The following TMEM272 variants were observed in gnomAD, a reference collection of about 807,000 sequenced individuals.
TMEM272 encodes transmembrane protein 272, also known as long intergenic non-protein coding RNA 282.
TMEM272 carries 8 observed loss-of-function variants against 3.7 expected under a neutral mutation model. The observed-to-expected ratio is 2.17, with a 90% CI of 1.27 to 3.91. The LOEUF (loss-of-function observed/expected upper bound fraction) is 3.91, where lower values mean the gene tolerates loss of function less well. Among genes scored for constraint, TMEM272 ranks in the 30% most tolerant of loss-of-function variants. The probability of loss-of-function intolerance (pLI) is 0.00; values close to 1 mark genes in which losing one functional copy is unlikely to be tolerated. For synonymous variants in TMEM272, 63 were observed against 39.8 expected (o/e 1.58, Z -2.20); for missense variants, 166 against 91.5 (o/e 1.81, Z -3.32).
the TMEM272 span, among the ~76,000 whole-genome samples, chr13:51,887,473 A>G: frequency 1.3e-5 from 2 of 152,200 alleles, no homozygotes; most frequent in African/African-American, 2.4e-5. Context: ...TGATATTAAC[A>G]CAATTTTTCA....
At chr13:51,925,653 C>T in the TMEM272 span, among the ~76,000 whole-genome samples, 1 of 152,126 alleles carries the variant, frequency 6.6e-6, no homozygotes, top group Admixed American at 6.5e-5. Context: ...CATGCCCCTT[C>T]CACACTTCCT....
chr13:51,880,222 G>C, the TMEM272 span, among the ~76,000 whole-genome samples: 1 of 151,396 alleles, frequency 6.6e-6, no homozygotes, highest in Non-Finnish European at 1.5e-5. Context: ...GTAGGTGGCT[G>C]CAGTAATTTT....
At chr13:51,846,150 C>A (rs2139596955), upstream of TMEM272, among the ~76,000 whole-genome samples, 1 of 152,330 alleles carries the variant, frequency 6.6e-6, no homozygotes, top group South Asian at 2.1e-4. Flanking sequence ...CCCTGCCACT[C>A]TCCCAGTCCT....
the TMEM272 span, among the ~76,000 whole-genome samples, chr13:51,872,066 G>A: frequency 6.6e-6 from 1 of 152,212 alleles, no homozygotes; most frequent in Non-Finnish European, 1.5e-5. Flanking sequence ...ATGAGCAGAT[G>A]TCCAAGGATC....
chr13:51,915,630 C>T, the TMEM272 span, among the ~76,000 whole-genome samples: 1 of 152,152 alleles, frequency 6.6e-6, no homozygotes, highest in African/African-American at 2.4e-5. Context: ...GGGTGAGTCA[C>T]GAAGTGGACA....
intron 2 of TMEM272, among the ~76,000 whole-genome samples, chr13:51,832,506 T>G (rs1379511539): frequency 6.6e-6 from 1 of 152,200 alleles, no homozygotes; most frequent in Admixed American, 6.5e-5. Context: ...AGAAGGCAAC[T>G]GGCAAAGAGT....
chr13:51,922,408 C>T, the TMEM272 span, among the ~76,000 whole-genome samples: 1 of 152,204 alleles, frequency 6.6e-6, no homozygotes, highest in South Asian at 2.1e-4. Context: ...GCAGTTGATA[C>T]TTTTCACGGT....
the TMEM272 span, among the ~76,000 whole-genome samples, chr13:51,875,773 G>A: frequency 6.6e-6 from 1 of 152,170 alleles, no homozygotes; most frequent in Non-Finnish European, 1.5e-5. Context: ...TCCTGGTCAG[G>A]CTCAGCTCCC....
chr13:51,896,373 T>G, the TMEM272 span, among the ~76,000 whole-genome samples: 3 of 152,140 alleles, frequency 2.0e-5, no homozygotes, highest in Non-Finnish European at 2.9e-5. Context: ...AAATGTATGT[T>G]TTTAGAATAA....
At chr13:51,884,300 C>T in the TMEM272 span, among the ~76,000 whole-genome samples, 2 of 152,262 alleles carry the variant, frequency 1.3e-5, no homozygotes, top group East Asian at 3.9e-4. Flanking sequence ...AGATGGGGAG[C>T]CTAGAAAGTG....
chr13:51,920,223 A>C, the TMEM272 span, among the ~76,000 whole-genome samples: 1 of 151,902 alleles, frequency 6.6e-6, no homozygotes, highest in Admixed American at 6.6e-5. Context: ...AACGGGTCTG[A>C]TAACAGCTAG....
At chr13:51,891,613 C>A in the TMEM272 span, among the ~76,000 whole-genome samples, 3 of 152,190 alleles carry the variant, frequency 2.0e-5, no homozygotes, top group African/African-American at 7.2e-5. Flanking sequence ...AAGCACAGCA[C>A]CTTCACTTTC....
At chr13:51,923,675 A>AC in the TMEM272 span, among the ~76,000 whole-genome samples, 35 of 89,448 alleles carry the variant, frequency 3.9e-4, no homozygotes, top group Non-Finnish European at 5.1e-4. Flanking sequence ...AAAAAGGAAG[A>AC]TGAAGGAGAG....
chr13:51,915,899 CCT>C, the TMEM272 span, among the ~76,000 whole-genome samples: 2 of 152,124 alleles, frequency 1.3e-5, no homozygotes, highest in African/African-American at 4.8e-5. Context: ...ATGGTGAAAC[CCT>C]GTCTCTACTA....
chr13:51,904,493 GTA>G, the TMEM272 span, among the ~76,000 whole-genome samples: 1 of 152,136 alleles, frequency 6.6e-6, no homozygotes, highest in African/African-American at 2.4e-5. Context: ...ATGCATAGTA[GTA>G]ATGAATAATT....
At chr13:51,924,722 C>T in the TMEM272 span, among the ~76,000 whole-genome samples, 23 of 152,262 alleles carry the variant, frequency 1.5e-4, no homozygotes, top group Middle Eastern at 3.4e-3. Context: ...TCCCCTTTCC[C>T]GCTCTCCCCA....
the TMEM272 span, among the ~76,000 whole-genome samples, chr13:51,915,494 C>T: frequency 6.6e-6 from 1 of 152,222 alleles, no homozygotes; most frequent in East Asian, 1.9e-4. Context: ...AACAATTTTA[C>T]ATGTCAGATA....
At chr13:51,884,577 A>T in the TMEM272 span, among the ~76,000 whole-genome samples, 24 of 152,152 alleles carry the variant, frequency 1.6e-4, no homozygotes, top group African/African-American at 5.8e-4. Context: ...TTGACTCCTG[A>T]CCCCTCCACC....
At chr13:51,907,394 C>A in the TMEM272 span, among the ~76,000 whole-genome samples, 16 of 152,202 alleles carry the variant, frequency 1.1e-4, no homozygotes, top group Admixed American at 7.9e-4. Context: ...GCTTTTCACA[C>A]ACAAACTAAC....
Sources: gnomAD v4.1 joint callset for allele counts (sites outside exome capture counted in the v4.1 genomes callset) on GRCh38, gnomAD v4.1.1 for gene constraint, MANE v1.5 for transcripts, NCBI Gene and HGNC (gene_info 2026-07-23, HGNC 2026-07-21) for gene names.